WNT3: variants seen among roughly 807,000 people sequenced by gnomAD.
WNT3 encodes the protein Wnt family member 3.
Under a neutral mutation model 34.2 loss-of-function variants are expected in WNT3, and 7 were observed. That is an observed-to-expected ratio of 0.20 (90% confidence interval 0.12 to 0.38). The LOEUF (loss-of-function observed/expected upper bound fraction) is 0.38, where lower values mean the gene tolerates loss of function less well. WNT3 is among the 10% of genes least tolerant of loss of function. The pLI is 1.00. For missense variants in WNT3, 267 were observed against 499.8 expected (o/e 0.53, Z 4.44); for synonymous variants, 212 against 211.5 (o/e 1.00, Z -0.02).
intron 1 of WNT3, among the ~76,000 whole-genome samples, chr17:46,800,400 C>A (rs1195248465): frequency 6.6e-6 from 1 of 152,182 alleles, no homozygotes; most frequent in Non-Finnish European, 1.5e-5. Context: ...TGTGAGCCAC[C>A]ATGCCTGGCC....
chr17:46,816,232 C>A (rs2084344234), intron 1 of WNT3, among the ~76,000 whole-genome samples: 1 of 151,632 alleles, frequency 6.6e-6, no homozygotes, highest in Non-Finnish European at 1.5e-5. Flanking sequence ...TTTACATGGG[C>A]AAAGATACTT....
intron 1 of WNT3, among the ~76,000 whole-genome samples, chr17:46,787,823 G>T (rs1320954008): frequency 6.6e-6 from 1 of 152,154 alleles, no homozygotes; most frequent in South Asian, 2.1e-4. Context: ...AGGCGTGGTG[G>T]TGGGCACCTG....
At chr17:46,771,827 G>A (rs2059375023) in intron 2 of WNT3, among the ~76,000 whole-genome samples, 1 of 144,028 alleles carries the variant, frequency 6.9e-6, no homozygotes, top group Non-Finnish European at 1.5e-5. Context: ...GCGGCCGCGC[G>A]GTGGGGGGGC....
At chr17:46,782,905 G>T (rs764960271) in intron 1 of WNT3, among the ~76,000 whole-genome samples, 2 of 152,246 alleles carry the variant, frequency 1.3e-5, no homozygotes, top group Non-Finnish European at 2.9e-5. Flanking sequence ...TGACATTTCA[G>T]TGCAGGGCCA....
chr17:46,797,393 C>T (rs1446085998), intron 1 of WNT3, among the ~76,000 whole-genome samples: 2 of 152,060 alleles, frequency 1.3e-5, no homozygotes, highest in African/African-American at 4.8e-5. Context: ...AAGTTCAGGG[C>T]CAAGTGGAGG....
chr17:46,771,374 G>C (rs2059367643), intron 2 of WNT3, among the ~76,000 whole-genome samples: 2 of 151,816 alleles, frequency 1.3e-5, no homozygotes, highest in Non-Finnish European at 1.5e-5. Flanking sequence ...CCTCGGGGAA[G>C]AGGGGCCGAG....
At chr17:46,799,730 G>A (rs1229775721) in intron 1 of WNT3, among the ~76,000 whole-genome samples, 3 of 152,162 alleles carry the variant, frequency 2.0e-5, no homozygotes, top group Non-Finnish European at 4.4e-5. Flanking sequence ...TTACAGGCAT[G>A]AGCCACTGCG....
chr17:46,797,939 G>T (rs1231858934), intron 1 of WNT3, among the ~76,000 whole-genome samples: 1 of 152,118 alleles, frequency 6.6e-6, no homozygotes. Context: ...TTTTTTGTTT[G>T]TTGGTTTTTT....
chr17:46,770,748 G>C (rs144955103), intron 2 of WNT3, among the ~76,000 whole-genome samples: 1 of 152,308 alleles, frequency 6.6e-6, no homozygotes, highest in Non-Finnish European at 1.5e-5. Context: ...CCCTGGTTCT[G>C]TCCCAGGGTC....
intron 1 of WNT3, among the ~76,000 whole-genome samples, chr17:46,790,860 C>T (rs1358414871): frequency 2.6e-5 from 4 of 152,220 alleles, no homozygotes; most frequent in South Asian, 2.1e-4. Context: ...CCAAAACACA[C>T]GCTCACGTAC....
At chr17:46,818,078 G>T (rs182514433) in intron 1 of WNT3, among the ~76,000 whole-genome samples, 1 of 152,006 alleles carries the variant, frequency 6.6e-6, no homozygotes, top group Admixed American at 6.6e-5. Flanking sequence ...TGGAGGCGCC[G>T]GCAGAGGTGG....
intron 1 of WNT3, among the ~76,000 whole-genome samples, chr17:46,779,705 G>C (rs571035827): frequency 5.1e-4 from 78 of 152,340 alleles, no homozygotes; most frequent in African/African-American, 1.7e-3. Flanking sequence ...GATAACGCCT[G>C]CTGTGGCCAG....
At chr17:46,771,098 CG>C (rs1238668869) in intron 2 of WNT3, among the ~76,000 whole-genome samples, 1 of 152,180 alleles carries the variant, frequency 6.6e-6, no homozygotes, top group African/African-American at 2.4e-5. Context: ...GAAGGAAGCC[CG>C]GGACCCCTCT....
chr17:46,811,934 G>C (rs1044220190), intron 1 of WNT3, among the ~76,000 whole-genome samples: 2 of 152,158 alleles, frequency 1.3e-5, no homozygotes, highest in Non-Finnish European at 2.9e-5. Flanking sequence ...TCCAGCCTGG[G>C]CGACAGAGCA....
At chr17:46,817,627 C>T (rs930220247) in intron 1 of WNT3, among the ~76,000 whole-genome samples, 21 of 142,148 alleles carry the variant, frequency 1.5e-4, no homozygotes, top group Non-Finnish European at 2.6e-4. Context: ...CCCCCAGACA[C>T]GCACAGCCCC....
chr17:46,790,211 C>T (rs1294759430), intron 1 of WNT3, among the ~76,000 whole-genome samples: 1 of 152,190 alleles, frequency 6.6e-6, no homozygotes, highest in African/African-American at 2.4e-5. Context: ...CCTCTCCTTG[C>T]AACAGGCGCC....
At chr17:46,791,206 C>G (rs1012501924) in intron 1 of WNT3, among the ~76,000 whole-genome samples, 6 of 151,916 alleles carry the variant, frequency 3.9e-5, no homozygotes, top group African/African-American at 1.5e-4. Context: ...CAGGACTTCG[C>G]TTTCCTTACT....
intron 1 of WNT3, among the ~76,000 whole-genome samples, chr17:46,775,514 C>G (rs568796666): frequency 6.6e-6 from 1 of 151,960 alleles, no homozygotes. Flanking sequence ...AACTGAGGAG[C>G]CAGATCTGGG....
intron 2 of WNT3, among the ~76,000 whole-genome samples, chr17:46,771,874 C>G (rs1372379586): frequency 6.9e-6 from 1 of 144,942 alleles, no homozygotes; most frequent in South Asian, 2.1e-4. Flanking sequence ...CAGGCCCCTC[C>G]GGCGCCCGCC....
Sources: allele counts gnomAD v4.1 joint callset (sites outside exome capture counted in the v4.1 genomes callset), GRCh38; gene constraint gnomAD v4.1.1; transcripts MANE v1.5; gene names NCBI Gene and HGNC (gene_info 2026-07-23, HGNC 2026-07-21).